EAF2: variants seen among roughly 807,000 people sequenced by gnomAD.
EAF2 encodes the protein ELL associated factor 2, also known as ELL-associated factor 2.
A neutral mutation model predicts 29.4 loss-of-function variants in EAF2; 29 were observed. The ratio of observed to expected loss-of-function variants is 0.99; its 90% confidence interval spans 0.73 to 1.35. EAF2 has a LOEUF of 1.35. Among genes scored for constraint, EAF2 ranks in the 40% most tolerant of loss-of-function variants. EAF2 has a pLI of 0.00. For synonymous variants in EAF2, 103 were observed against 102.5 expected (o/e 1.00, Z -0.03); for missense variants, 292 against 312.0 (o/e 0.94, Z 0.48).
rs937925819 is a variant in EAF2, at chr3:121,835,320, G to T, written c.35G>T (p.Arg12Leu). The change falls in exon 1 of 6, where the codon CGT (arginine) becomes CTT (leucine). Residue 12 changes from arginine (R) to leucine (L), a missense_variant. Coordinates refer to ENST00000273668, the MANE Select transcript of EAF2 (RefSeq NM_018456.6). The stretch of plus-strand genomic sequence containing the variant: ...GCAGCGGGATTCTCACACCTAGACC[G>T]TCGCGAGCGGGTTCTCAAGTTAGGG... ...NSAAGFSHLD[R>L]RERVLKLGES... 1 of 1,614,228 alleles carries T rather than the reference G, an allele frequency of 6.2e-7. No homozygotes were observed. The highest frequency in any genetic ancestry group is 8.5e-7 in the Non-Finnish European group (1 of 1,180,036).
chr3:121,848,447 G>A (rs1305100078), intron 2 of EAF2, among the ~76,000 whole-genome samples: 1 of 152,142 alleles, frequency 6.6e-6, no homozygotes, highest in Non-Finnish European at 1.5e-5. Context: ...AGTGTATTCT[G>A]CTGCTGTGTG....
chr3:121,845,073 T>C (rs559663426), intron 2 of EAF2, among the ~76,000 whole-genome samples: 1 of 152,132 alleles, frequency 6.6e-6, no homozygotes, highest in African/African-American at 2.4e-5. Context: ...AACAGAACAG[T>C]ATGTGAAAAG....
At chr3:121,843,778 G>A (rs566213254) in intron 1 of EAF2, among the ~76,000 whole-genome samples, 1 of 152,108 alleles carries the variant, frequency 6.6e-6, no homozygotes, top group African/African-American at 2.4e-5. Flanking sequence ...AAATTAAATT[G>A]TATTTTAAGA....
At chr3:121,848,764 A>G (rs1477108206) in intron 2 of EAF2, among the ~76,000 whole-genome samples, 1 of 152,188 alleles carries the variant, frequency 6.6e-6, no homozygotes, top group Non-Finnish European at 1.5e-5. Flanking sequence ...CTAGAAGAAC[A>G]TGTCAAACTA....
At chr3:121,858,954 A>G (rs975817676) in intron 4 of EAF2, among the ~76,000 whole-genome samples, 1 of 152,132 alleles carries the variant, frequency 6.6e-6, no homozygotes, top group African/African-American at 2.4e-5. Flanking sequence ...TGTTTTTGTC[A>G]GGTTTGTCAA....
intron 2 of EAF2, among the ~76,000 whole-genome samples, chr3:121,846,157 G>A (rs1015831159): frequency 3.3e-5 from 5 of 152,088 alleles, no homozygotes; most frequent in African/African-American, 4.8e-5. Flanking sequence ...TATACATATA[G>A]CAAGTAAACT....
intron 5 of EAF2, among the ~76,000 whole-genome samples, chr3:121,881,352 A>G (rs1709187946): frequency 6.6e-6 from 1 of 151,730 alleles, no homozygotes; most frequent in African/African-American, 2.4e-5. Context: ...CTTTTTTTTG[A>G]TGGGAGACTT....
In EAF2 at chr3:121,886,450, T is replaced by G; in HGVS notation, c.*62T>G. On this transcript the variant is annotated 3_prime_UTR_variant, in exon 6 of 6. Coordinates refer to ENST00000273668, the MANE Select transcript of EAF2 (RefSeq NM_018456.6). ...TGTATAATTTATTTTGTATTAACAA[T>G]AAAAATTCCTAAGACTGAGGGAAAT... is the stretch of plus-strand genomic sequence containing the variant. 1 of 979,630 alleles carries G rather than the reference T, an allele frequency of 1.0e-6. No individual in the cohort carries two copies. The allele number at this position is 979,630 out of a possible 1,614,324, so 60.7% of individuals were successfully genotyped here.
At chr3:121,861,627 T>C (rs1460652944) in intron 4 of EAF2, among the ~76,000 whole-genome samples, 1 of 152,238 alleles carries the variant, frequency 6.6e-6, no homozygotes, top group Non-Finnish European at 1.5e-5. Context: ...TTTATCCAAT[T>C]TGCCAGTCTG....
intron 2 of EAF2, among the ~76,000 whole-genome samples, chr3:121,849,723 G>A (rs1174968587): frequency 1.3e-5 from 2 of 151,980 alleles, no homozygotes; most frequent in Non-Finnish European, 2.9e-5. Flanking sequence ...ACCTAGTCTG[G>A]TTTTCTCCAA....
intron 5 of EAF2, among the ~76,000 whole-genome samples, chr3:121,881,891 C>A (rs936368516): frequency 6.6e-6 from 1 of 151,954 alleles, no homozygotes; most frequent in African/African-American, 2.4e-5. Flanking sequence ...GTATAATTTA[C>A]CAAATCACAA....
At chr3:121,871,317 AGAATAGAC>A (rs150681407) in intron 4 of EAF2, among the ~76,000 whole-genome samples, 21,900 of 151,802 alleles carry the variant, frequency 0.14, 1,934 homozygotes, top group African/African-American at 0.25. Context: ...ATGAAGTTCA[AGAATAGAC>A]GAATAGACAA....
intron 4 of EAF2, among the ~76,000 whole-genome samples, chr3:121,860,001 C>T (rs1444364400): frequency 6.6e-6 from 1 of 152,132 alleles, no homozygotes. Context: ...TTGAACCAGC[C>T]TTGTATCCCA....
rs1054741789 is a variant in EAF2 at position 121,835,324 on chromosome 3, C to T, written c.39C>T (p.Arg13=). The T allele has an allele frequency of 2.5e-6, 4 of 1,614,216 alleles. No individual in the cohort carries two copies. The highest frequency in any genetic ancestry group is 3.4e-6 in the Non-Finnish European group (4 of 1,180,034). ...CGGGATTCTCACACCTAGACCGTCG[C>T]GAGCGGGTTCTCAAGTTAGGGGAGA... is the stretch of plus-strand genomic sequence containing the variant. ...SAAGFSHLDR[R]ERVLKLGESF... The change falls in exon 1 of 6, where the codon CGC becomes CGT. Residue 13 remains arginine, a synonymous_variant. Transcript: ENST00000273668.
chr3:121,883,899 A>C (rs772909873), intron 5 of EAF2, among the ~76,000 whole-genome samples: 6 of 152,218 alleles, frequency 3.9e-5, no homozygotes, highest in Non-Finnish European at 7.3e-5. Context: ...AATATTTCCT[A>C]ACCTTGACAG....
intron 4 of EAF2, among the ~76,000 whole-genome samples, chr3:121,857,409 T>C (rs576641109): frequency 6.6e-6 from 1 of 151,862 alleles, no homozygotes; most frequent in East Asian, 1.9e-4. Flanking sequence ...GAAGAATCAC[T>C]TGAACCCAGG....
At chr3:121,835,463 G>C in intron 1 of EAF2, 72 bp downstream of exon 1, 1 of 1,397,458 alleles carries the variant, frequency 7.2e-7, no homozygotes, top group Non-Finnish European at 1.0e-6. Flanking sequence ...AACCCCTCTG[G>C]GTTTTGTTCC....
chr3:121,840,499 AAAAAAAAAAG>A (rs1357815668), intron 1 of EAF2, among the ~76,000 whole-genome samples: 2 of 75,952 alleles, frequency 2.6e-5, no homozygotes, highest in African/African-American at 5.3e-5. Context: ...AAAAAAAAAA[AAAAAAAAAAG>A]AAAAAAAAAA....
At chr3:121,883,897 CTAACCTTGACAGCA>C (rs1709232358) in intron 5 of EAF2, among the ~76,000 whole-genome samples, 1 of 152,198 alleles carries the variant, frequency 6.6e-6, no homozygotes, top group African/African-American at 2.4e-5. Flanking sequence ...TGAATATTTC[CTAACCTTGACAGCA>C]TAAAGTCTAG....
Sources: allele counts gnomAD v4.1 joint callset (sites outside exome capture counted in the v4.1 genomes callset), GRCh38; gene constraint gnomAD v4.1.1; transcripts MANE v1.5; gene names NCBI Gene and HGNC (gene_info 2026-07-23, HGNC 2026-07-21).